Variants in MAPKAP1 observed in about 807,000 individuals in gnomAD.
MAPKAP1 encodes the protein MAPK associated protein 1.
A neutral mutation model predicts 65.7 loss-of-function variants in MAPKAP1; 20 were observed. The observed-to-expected ratio is 0.30, with a 90% confidence interval of 0.21 to 0.44. MAPKAP1 has a LOEUF of 0.44. Among genes scored for constraint, MAPKAP1 ranks in the 20% least tolerant of loss-of-function variants. The probability of loss-of-function intolerance (pLI) is 1.00; values close to 1 mark genes in which losing one functional copy is unlikely to be tolerated. For synonymous variants in MAPKAP1, 222 were observed against 244.3 expected (o/e 0.91, Z 0.85); for missense variants, 423 against 648.0 (o/e 0.65, Z 3.77).
intron 1 of MAPKAP1, among the ~76,000 whole-genome samples, chr9:125,675,741 T>C (rs1229039737): frequency 2.0e-5 from 3 of 152,206 alleles, no homozygotes; most frequent in African/African-American, 4.8e-5. Flanking sequence ...CTGTTATACA[T>C]GGCAGGAGTT....
intron 4 of MAPKAP1, among the ~76,000 whole-genome samples, chr9:125,618,467 A>G (rs1294043472): frequency 6.6e-6 from 1 of 151,976 alleles, no homozygotes; most frequent in Non-Finnish European, 1.5e-5. Flanking sequence ...TCAAACTCCT[A>G]CTAAGCTTAA....
At chr9:125,578,775 C>G (rs1208261823) in intron 5 of MAPKAP1, among the ~76,000 whole-genome samples, 1 of 152,232 alleles carries the variant, frequency 6.6e-6, no homozygotes, top group Middle Eastern at 3.4e-3. Flanking sequence ...AACAGAAACA[C>G]ACAAGATGGA....
chr9:125,503,184 T>A (rs539116932), intron 8 of MAPKAP1, among the ~76,000 whole-genome samples: 9 of 152,308 alleles, frequency 5.9e-5, no homozygotes, highest in Admixed American at 2.0e-4. Context: ...TGACAACAAC[T>A]ACTACTACTA....
At chr9:125,508,202 T>C (rs1803852350) in intron 7 of MAPKAP1, among the ~76,000 whole-genome samples, 1 of 152,182 alleles carries the variant, frequency 6.6e-6, no homozygotes, top group Non-Finnish European at 1.5e-5. Flanking sequence ...AATCAAAGTA[T>C]GGAAGGAAAT....
At chr9:125,688,256 A>G (rs1835049227) in intron 1 of MAPKAP1, among the ~76,000 whole-genome samples, 1 of 152,080 alleles carries the variant, frequency 6.6e-6, no homozygotes, top group Non-Finnish European at 1.5e-5. Context: ...CTCCTACCTC[A>G]GCCTCCTAAG....
intron 4 of MAPKAP1, chr9:125,596,428 G>T: frequency 1.3e-6 from 1 of 790,856 alleles, no homozygotes. Context: ...AGCAATTTTG[G>T]AGGGTGGTGG....
intron 5 of MAPKAP1, among the ~76,000 whole-genome samples, chr9:125,575,951 T>C (rs1346700257): frequency 6.6e-6 from 1 of 152,206 alleles, no homozygotes; most frequent in Non-Finnish European, 1.5e-5. Context: ...CCAAGATATC[T>C]TTCAATAGAT....
intron 7 of MAPKAP1, among the ~76,000 whole-genome samples, chr9:125,538,578 A>C (rs1004005340): frequency 6.6e-6 from 1 of 152,148 alleles, no homozygotes; most frequent in African/African-American, 2.4e-5. Flanking sequence ...ACTGCAAAGT[A>C]ATCTGAAATG....
intron 6 of MAPKAP1, among the ~76,000 whole-genome samples, chr9:125,556,261 C>T (rs934600690): frequency 1.3e-5 from 2 of 152,222 alleles, no homozygotes; most frequent in African/African-American, 4.8e-5. Context: ...AGGCTAGGAT[C>T]GGCATCCAAG....
At chr9:125,700,953 A>G (rs1260218578) in intron 1 of MAPKAP1, among the ~76,000 whole-genome samples, 5 of 152,090 alleles carry the variant, frequency 3.3e-5, no homozygotes, top group African/African-American at 4.8e-5. Flanking sequence ...GCACTGGGGG[A>G]GCACCTGGCC....
chr9:125,445,470 G>T (rs962538552), intron 10 of MAPKAP1, among the ~76,000 whole-genome samples: 2 of 152,236 alleles, frequency 1.3e-5, no homozygotes, highest in Non-Finnish European at 2.9e-5. Context: ...CTCAGCTGGC[G>T]CCTTCTTGGG....
At chr9:125,491,319 C>T (rs1854714381) in intron 8 of MAPKAP1, among the ~76,000 whole-genome samples, 1 of 151,766 alleles carries the variant, frequency 6.6e-6, no homozygotes, top group African/African-American at 2.4e-5. Context: ...TGGCTCATGC[C>T]TGTACTCCCA....
intron 10 of MAPKAP1, among the ~76,000 whole-genome samples, chr9:125,460,493 C>T (rs1275151182): frequency 2.6e-5 from 4 of 152,194 alleles, no homozygotes; most frequent in Admixed American, 1.3e-4. Flanking sequence ...CATTCTTACA[C>T]GTTCTGTAAA....
Position 125,559,701 on chromosome 9 carries a change from A to C in MAPKAP1, c.780T>G (p.Ser260Arg). Residue 260 changes from serine to arginine, a missense_variant, in exon 6 of 12, where the codon AGT becomes AGG. Physicochemically the swap from Ser to Arg is moderately radical, Grantham distance 110. Around this residue, in one of 6 missense-constraint regions of MAPKAP1, gnomAD observed 98 missense variants for 200.5 expected, o/e 0.49. Transcript: ENST00000265960. ...SNEPIHKFGF[S>R]TLALVEKYSS... The stretch of plus-strand genomic sequence containing the variant: ...AGTACTTTTCAACCAGGGCCAAAGT[A>C]CTGAAGCCAAACTTATGAATGGGCT... 6.2e-7 allele frequency: 1 copy of C among 1,614,018 alleles called. No homozygotes were observed.
chr9:125,559,391 A>G (rs1182497183), intron 6 of MAPKAP1: 1 of 331,296 alleles, frequency 3.0e-6, no homozygotes, highest in Non-Finnish European at 5.6e-6. Flanking sequence ...GGCTCTGGAC[A>G]TGCCGTTCAG....
At chr9:125,544,207 A>C (rs990102059) in intron 6 of MAPKAP1, among the ~76,000 whole-genome samples, 17 of 151,856 alleles carry the variant, frequency 1.1e-4, no homozygotes, top group Non-Finnish European at 2.4e-4. Context: ...GATGGGTTTC[A>C]CCATCTTGGC....
At chr9:125,685,479 T>G (rs1247160082) in intron 1 of MAPKAP1, among the ~76,000 whole-genome samples, 1 of 152,190 alleles carries the variant, frequency 6.6e-6, no homozygotes, top group Admixed American at 6.5e-5. Flanking sequence ...GGGGTGAGTC[T>G]GTAGGGCCTT....
chr9:125,486,096 T>C (rs1854492388), intron 8 of MAPKAP1, among the ~76,000 whole-genome samples: 1 of 152,226 alleles, frequency 6.6e-6, no homozygotes, highest in African/African-American at 2.4e-5. Flanking sequence ...TAAATTGTGC[T>C]AGATAAATAA....
chr9:125,467,854 T>C (rs1853737184), intron 10 of MAPKAP1, 118 bp downstream of exon 10: 5 of 1,167,098 alleles, frequency 4.3e-6, no homozygotes, highest in Non-Finnish European at 6.1e-6. Context: ...TGGTAATGAA[T>C]TAAAACAGAC....
Sources: gnomAD v4.1 joint callset for allele counts (sites outside exome capture counted in the v4.1 genomes callset) on GRCh38, gnomAD v4.1.1 for gene constraint, gnomAD v4.1.1 regional missense constraint, MANE v1.5 for transcripts, NCBI Gene and HGNC (gene_info 2026-07-23, HGNC 2026-07-21) for gene names.